The following GRIP1 variants were observed in gnomAD, a reference collection of about 807,000 sequenced individuals.
GRIP1 encodes the protein glutamate receptor interacting protein 1.
Under a neutral mutation model 129.9 loss-of-function variants are expected in GRIP1, and 45 were observed. The ratio of observed to expected loss-of-function variants is 0.35; its 90% CI spans 0.27 to 0.44. GRIP1 has a LOEUF of 0.44. Among genes scored for constraint, GRIP1 ranks in the 20% least tolerant of loss-of-function variants. The probability of loss-of-function intolerance (pLI) is 1.00; values close to 1 mark genes in which losing one functional copy is unlikely to be tolerated. For missense variants in GRIP1, 1,196 were observed against 1,396.8 expected (o/e 0.86, Z 2.29); for synonymous variants, 530 against 520.8 (o/e 1.02, Z -0.24).
intron 7 of GRIP1, 22 bp downstream of exon 7, chr12:66,515,597 C>A: frequency 6.3e-7 from 1 of 1,581,830 alleles, no homozygotes; most frequent in South Asian, 1.1e-5. Flanking sequence ...TTAGAGATCA[C>A]ACCCTCAGGA....
chr12:67,030,575 A>T (rs1393481629), intron 1 of GRIP1, among the ~76,000 whole-genome samples: 1 of 152,112 alleles, frequency 6.6e-6, no homozygotes, highest in Non-Finnish European at 1.5e-5. Context: ...CTGTTCCACT[A>T]TTTCCCATAC....
chr12:66,893,815 T>C (rs2040701042), intron 1 of GRIP1, among the ~76,000 whole-genome samples: 1 of 152,226 alleles, frequency 6.6e-6, no homozygotes, highest in South Asian at 2.1e-4. Flanking sequence ...AAATCAAAGG[T>C]CATGTTAAAT....
chr12:66,706,130 G>A (rs2035520202), intron 1 of GRIP1, among the ~76,000 whole-genome samples: 1 of 152,104 alleles, frequency 6.6e-6, no homozygotes, highest in African/African-American at 2.4e-5. Flanking sequence ...CCTACAGAAT[G>A]GGAGAAAATT....
intron 1 of GRIP1, among the ~76,000 whole-genome samples, chr12:66,606,994 A>G (rs895865663): frequency 4.8e-5 from 4 of 83,668 alleles, no homozygotes; most frequent in African/African-American, 2.4e-4. Context: ...CCTTACTTGG[A>G]GAGAGAGAGA....
intron 14 of GRIP1, among the ~76,000 whole-genome samples, chr12:66,422,002 G>A (rs868471599): frequency 5.8e-4 from 89 of 152,250 alleles, no homozygotes; most frequent in African/African-American, 2.0e-3. Context: ...TTGCCTCCAA[G>A]AGGAGATATT....
chr12:67,036,220 A>G (rs548923195), intron 1 of GRIP1, among the ~76,000 whole-genome samples: 5 of 152,242 alleles, frequency 3.3e-5, no homozygotes, highest in Non-Finnish European at 5.9e-5. Context: ...GCATTTCACG[A>G]TAACTTTTAC....
intron 1 of GRIP1, among the ~76,000 whole-genome samples, chr12:66,856,272 A>G (rs192351961): frequency 1.2e-4 from 18 of 152,134 alleles, no homozygotes; most frequent in Middle Eastern, 6.8e-3. Flanking sequence ...AAAAACCCTA[A>G]AAGAAAACCT....
chr12:66,670,447 C>T (rs144595870), intron 1 of GRIP1, among the ~76,000 whole-genome samples: 65 of 152,274 alleles, frequency 4.3e-4, no homozygotes, highest in South Asian at 1.0e-3. Context: ...GGAAATCCTA[C>T]GTTAGCAGTG....
rs75936774 is a variant in GRIP1 at position 66,373,650 on chromosome 12, C to T, written c.2779-1723G>A. Among the ~76,000 whole-genome samples, 958 of 152,264 alleles carry T rather than the reference C, an allele frequency of 6.3e-3. 17 individuals are homozygous for T. The highest frequency in any genetic ancestry group is 0.022 in the African/African-American group (925 of 41,558). On this transcript the variant is annotated intron_variant, in intron 22 of 24. Coordinates refer to ENST00000359742, the MANE Select transcript of GRIP1 (RefSeq NM_001366722.1). ...GCACACATGTGCATATATCTAACAA[C>T]TTTGTTGAAAAAGAAATGAAACAAG...
At chr12:66,559,880 A>ATCC (rs2062459937) in intron 2 of GRIP1, among the ~76,000 whole-genome samples, 1 of 152,166 alleles carries the variant, frequency 6.6e-6, no homozygotes, top group Non-Finnish European at 1.5e-5. Flanking sequence ...CCTGAGGAAA[A>ATCC]ATAAAACTGG....
intron 1 of GRIP1, among the ~76,000 whole-genome samples, chr12:66,956,186 G>A (rs923178973): frequency 1.3e-5 from 2 of 152,082 alleles, no homozygotes; most frequent in Non-Finnish European, 2.9e-5. Context: ...ACAGCATGTC[G>A]CATTAGTCAT....
rs530945298 is a variant in GRIP1, at chr12:66,471,026, C to T, written c.725-5604G>A. 3.5e-4 allele frequency among the ~76,000 whole-genome samples: 54 copies of T among 152,250 alleles called. No homozygotes were observed. In the South Asian group the frequency reaches 8.9e-3, roughly 25 times the overall value. On this transcript the variant is annotated intron_variant, in intron 7 of 24. Coordinates refer to ENST00000359742, the MANE Select transcript of GRIP1 (RefSeq NM_001366722.1). ...CATCATTGTCCTCCCTTCCTCTGAT[C>T]GACTGCCATGATTCCCTACTAGCCA...
chr12:66,439,877 A>G (rs546831803), intron 13 of GRIP1, among the ~76,000 whole-genome samples: 1 of 151,992 alleles, frequency 6.6e-6, no homozygotes, highest in Admixed American at 6.5e-5. Context: ...TGCTCTTTTT[A>G]CTTGGCAGCT....
At chr12:66,439,740 TATG>T (rs1389102803) in intron 13 of GRIP1, among the ~76,000 whole-genome samples, 4 of 152,326 alleles carry the variant, frequency 2.6e-5, no homozygotes, top group Non-Finnish European at 5.9e-5. Flanking sequence ...CCATAATAAT[TATG>T]ATGTTACTAT....
intron 1 of GRIP1, among the ~76,000 whole-genome samples, chr12:66,611,665 G>T (rs2064798497): frequency 6.6e-6 from 1 of 152,134 alleles, no homozygotes; most frequent in Non-Finnish European, 1.5e-5. Flanking sequence ...TTCTCATTTA[G>T]ACTGAATTAT....
intron 2 of GRIP1, among the ~76,000 whole-genome samples, chr12:66,596,526 T>C (rs759577877): frequency 1.3e-5 from 2 of 152,182 alleles, no homozygotes; most frequent in South Asian, 2.1e-4. Flanking sequence ...AGTAAAGAAA[T>C]GGATGCTATT....
chr12:66,808,874 G>A (rs1451390080), upstream of GRIP1, among the ~76,000 whole-genome samples: 1 of 152,086 alleles, frequency 6.6e-6, no homozygotes, highest in Non-Finnish European at 1.5e-5. Context: ...AATGGTTGAA[G>A]TACTATCCTG....
Position 66,715,452 on chromosome 12 carries a change from A to ATGTGTGTGTGTGTGTGTGTG in GRIP1, c.-419-85136_-419-85117dup, listed in dbSNP as rs36142878. On this transcript the variant is annotated intron_variant, in intron 1 of 4. Transcript: ENST00000538373. ...TGCCACAGCAATGAATTGTAGCTTG[A>ATGTGTGTGTGTGTGTGTGTG]TGTGTGTGTGTGTGTGTGTGAGAGA... 2.0e-3 allele frequency among the ~76,000 whole-genome samples: 143 copies of ATGTGTGTGTGTGTGTGTGTG among 73,040 alleles called. 3 individuals are homozygous for ATGTGTGTGTGTGTGTGTGTG. Among genetic ancestry groups the ATGTGTGTGTGTGTGTGTGTG allele is most frequent in the African/African-American group, 5.1e-3 (89 of 17,426 alleles). 47.9% of individuals were successfully genotyped at this position (73,040 alleles called of 152,430 possible).
chr12:66,702,235 A>G (rs2035375443), intron 1 of GRIP1, among the ~76,000 whole-genome samples: 3 of 152,156 alleles, frequency 2.0e-5, no homozygotes, highest in African/African-American at 7.2e-5. Context: ...CACCAGATGC[A>G]TTTAATTTAC....
Sources: gnomAD v4.1 joint callset for allele counts (sites outside exome capture counted in the v4.1 genomes callset) on GRCh38, gnomAD v4.1.1 for gene constraint, MANE v1.5 for transcripts, NCBI Gene and HGNC (gene_info 2026-07-23, HGNC 2026-07-21) for gene names.